GLIS3: variants seen among roughly 807,000 people sequenced by gnomAD.
The protein encoded by GLIS3 is zinc finger protein GLIS3.
A neutral mutation model predicts 78.6 loss-of-function variants in GLIS3; 53 were observed. The ratio of observed to expected loss-of-function variants is 0.67; its 90% CI spans 0.54 to 0.85. The LOEUF (loss-of-function observed/expected upper bound fraction) is 0.85, where lower values mean the gene tolerates loss of function less well. Among genes scored for constraint, GLIS3 ranks in the 40% least tolerant of loss-of-function variants. The probability of loss-of-function intolerance (pLI) is 0.00; values close to 1 mark genes in which losing one functional copy is unlikely to be tolerated. For missense variants in GLIS3, 1,703 were observed against 1,231.1 expected, an observed-to-expected ratio of 1.38 and a Z score of -5.74; for synonymous variants, 684 against 509.9, an observed-to-expected ratio of 1.34 and a Z score of -4.60.
chr9:4,101,163 T>A (rs1054151441), intron 4 of GLIS3, among the ~76,000 whole-genome samples: 3 of 152,238 alleles, frequency 2.0e-5, no homozygotes, highest in African/African-American at 7.2e-5. Flanking sequence ...TAAAATCACT[T>A]GAGCTGTTTC....
intron 2 of GLIS3, among the ~76,000 whole-genome samples, chr9:4,179,968 G>C (rs760038966): frequency 2.0e-5 from 3 of 152,002 alleles, no homozygotes; most frequent in Non-Finnish European, 2.9e-5. Flanking sequence ...AAAGTAGGCT[G>C]GAAATTCAAA....
the GLIS3 span, among the ~76,000 whole-genome samples, chr9:4,407,595 C>A: frequency 6.6e-6 from 1 of 152,190 alleles, no homozygotes; most frequent in Non-Finnish European, 1.5e-5. Flanking sequence ...TGCGGTGAGC[C>A]GAGATCTCGC....
intron 2 of GLIS3, among the ~76,000 whole-genome samples, chr9:4,263,656 A>C (rs1825728787): frequency 6.6e-6 from 1 of 152,228 alleles, no homozygotes; most frequent in Admixed American, 6.5e-5. Flanking sequence ...CAGCCACAAC[A>C]TGGCCTTTGA....
intron 6 of GLIS3, among the ~76,000 whole-genome samples, chr9:3,925,251 CTG>C (rs1825140683): frequency 6.6e-6 from 1 of 152,160 alleles, no homozygotes; most frequent in Admixed American, 6.5e-5. Flanking sequence ...GAAGCTTTCT[CTG>C]TGTGACTTTA....
At chr9:4,209,824 C>G (rs10814885) in intron 2 of GLIS3, among the ~76,000 whole-genome samples, 92,116 of 151,476 alleles carry the variant, frequency 0.61, 28,311 homozygotes, top group African/African-American at 0.69. Context: ...CGCCCCCCCC[C>G]AGTTGTGACC....
the GLIS3 span, among the ~76,000 whole-genome samples, chr9:4,446,668 C>A: frequency 2.9e-5 from 4 of 139,300 alleles, no homozygotes; most frequent in South Asian, 4.9e-4. Flanking sequence ...CACCACCATG[C>A]CCGGCTAATT....
chr9:3,853,028 G>A (rs1269900164), intron 9 of GLIS3, among the ~76,000 whole-genome samples: 1 of 151,870 alleles, frequency 6.6e-6, no homozygotes, highest in Non-Finnish European at 1.5e-5. Context: ...GGGCAACATA[G>A]TGAGACTCCA....
At chr9:4,156,518 T>C (rs1835052299) in intron 2 of GLIS3, among the ~76,000 whole-genome samples, 2 of 152,140 alleles carry the variant, frequency 1.3e-5, no homozygotes, top group Non-Finnish European at 1.5e-5. Context: ...CATCTAGAGG[T>C]AAGTAGGGCA....
At chr9:4,353,993 A>ATTTTTTTTTTTTTTTTTTTTTTTTTTTT in the GLIS3 span, among the ~76,000 whole-genome samples, 1 of 135,756 alleles carries the variant, frequency 7.4e-6, no homozygotes, top group Non-Finnish European at 1.6e-5. Context: ...ACACCCGGCT[A>ATTTTTTTTTTTTTTTTTTTTTTTTTTTT]TTTTTTTTTT....
chr9:3,845,517 A>T (rs1016268686), intron 9 of GLIS3, among the ~76,000 whole-genome samples: 1 of 152,196 alleles, frequency 6.6e-6, no homozygotes, highest in Non-Finnish European at 1.5e-5. Context: ...TCAGTACTGT[A>T]AGGACTTTAA....
At chr9:3,853,684 C>G (rs1335527625) in intron 9 of GLIS3, among the ~76,000 whole-genome samples, 1 of 152,146 alleles carries the variant, frequency 6.6e-6, no homozygotes, top group Non-Finnish European at 1.5e-5. Context: ...TCAGGGTAGA[C>G]TAGTGTTTGC....
chr9:3,958,232 T>C (rs536988354), intron 4 of GLIS3, among the ~76,000 whole-genome samples: 2 of 152,244 alleles, frequency 1.3e-5, no homozygotes, highest in South Asian at 4.2e-4. Flanking sequence ...TCCTCCCACA[T>C]GTATAATAAC....
In GLIS3 at chr9:4,266,595, T is replaced by TACACACACAC. The variant is rs57746056; in HGVS notation, c.388+19433_388+19442dup. Among the ~76,000 whole-genome samples the TACACACACAC allele has an allele frequency of 1.5e-4, 23 of 149,294 alleles. 1 individual carries two copies. Among genetic ancestry groups the TACACACACAC allele is most frequent in the Admixed American group, 1.3e-3 (20 of 14,936 alleles). On this transcript the variant is annotated intron_variant, in intron 2 of 10. Coordinates refer to ENST00000381971, the MANE Select transcript of GLIS3 (RefSeq NM_001042413.2). ...TACATTTTACACATGCATGCGCGTGTACACACACACACACACACACACACA... is the reference window on the plus strand; with the variant it reads ...TACATTTTACACATGCATGCGCGTGTACACACACACACACACACACACACACACACACACA...
chr9:3,841,250 G>A (rs1460427532), intron 9 of GLIS3, among the ~76,000 whole-genome samples: 1 of 152,226 alleles, frequency 6.6e-6, no homozygotes, highest in African/African-American at 2.4e-5. Flanking sequence ...TAATTGCCAT[G>A]TGTGGATATA....
In GLIS3 at chr9:4,059,430, G is replaced by C. The variant is rs556964583; in HGVS notation, c.1710+58338C>G. ...AGAAAACTGCCAGAGTGCCATGATG[G>C]GATTTCTCTCAGCTCTCCTGCCCTG... On this transcript the variant is annotated intron_variant, in intron 4 of 10. Coordinates refer to ENST00000381971, the MANE Select transcript of GLIS3 (RefSeq NM_001042413.2). Among the ~76,000 whole-genome samples the C allele has an allele frequency of 7.2e-5, 11 of 152,286 alleles. No homozygotes were observed. The East Asian group carries it at 1.9e-3, about 27-fold the overall frequency.
the GLIS3 span, among the ~76,000 whole-genome samples, chr9:4,436,442 G>C: frequency 6.6e-6 from 1 of 152,042 alleles, no homozygotes; most frequent in African/African-American, 2.4e-5. Flanking sequence ...GTCTGTTCAG[G>C]TTCCTCATAT....
chr9:4,195,871 G>A (rs139987754), intron 2 of GLIS3, among the ~76,000 whole-genome samples: 37 of 152,308 alleles, frequency 2.4e-4, no homozygotes, highest in African/African-American at 7.9e-4. Flanking sequence ...TAGTGAGGAC[G>A]TGGAGAACTT....
chr9:4,253,930 G>T (rs1257145735), intron 2 of GLIS3, among the ~76,000 whole-genome samples: 1 of 152,142 alleles, frequency 6.6e-6, no homozygotes, highest in African/African-American at 2.4e-5. Context: ...CCCTCCATGG[G>T]CTGCACTCAC....
chr9:4,229,617 A>C (rs1822081446), intron 2 of GLIS3, among the ~76,000 whole-genome samples: 1 of 152,234 alleles, frequency 6.6e-6, no homozygotes, highest in South Asian at 2.1e-4. Flanking sequence ...AAGATGAAGA[A>C]AAAAATATTT....
Sources: allele counts gnomAD v4.1 joint callset (sites outside exome capture counted in the v4.1 genomes callset), GRCh38; gene constraint gnomAD v4.1.1; transcripts MANE v1.5; gene names NCBI Gene and HGNC (gene_info 2026-07-23, HGNC 2026-07-21).